The following ACP7 variants were observed in gnomAD, a reference collection of about 807,000 sequenced individuals.
The protein encoded by ACP7 is acid phosphatase 7, tartrate resistant (putative), also known as acid phosphatase type 7.
A neutral mutation model predicts 60.6 loss-of-function variants in ACP7; 58 were observed. That is an observed-to-expected ratio of 0.96 (90% CI 0.77 to 1.19). The LOEUF (loss-of-function observed/expected upper bound fraction) is 1.19. Ranked by LOEUF, ACP7 falls within the 50% of genes most tolerant of loss-of-function variation. The pLI is 0.00. For missense variants in ACP7, 574 were observed against 596.2 expected, an observed-to-expected ratio of 0.96 and a Z score of 0.39; for synonymous variants, 237 against 232.6, an observed-to-expected ratio of 1.02 and a Z score of -0.17.
At chr19:39,107,227 C>G in intron 12 of ACP7, 143 bp downstream of exon 12, 1 of 914,718 alleles carries the variant, frequency 1.1e-6, no homozygotes, top group Non-Finnish European at 1.5e-6. Context: ...GTATGAGGAT[C>G]GCTTGAGTCC....
intron 2 of ACP7, among the ~76,000 whole-genome samples, chr19:39,095,454 G>T (rs922143876): frequency 6.6e-6 from 1 of 152,226 alleles, no homozygotes. Context: ...TCACATGCAG[G>T]TCTCACTGAT....
intron 2 of ACP7, among the ~76,000 whole-genome samples, chr19:39,094,154 G>A (rs1431311780): frequency 6.6e-6 from 1 of 152,034 alleles, no homozygotes; most frequent in Admixed American, 6.6e-5. Flanking sequence ...TTCAAAATCT[G>A]GATTTTCGTA....
At chr19:39,087,946 T>C (rs566503087) in intron 2 of ACP7, among the ~76,000 whole-genome samples, 1 of 151,888 alleles carries the variant, frequency 6.6e-6, no homozygotes, top group East Asian at 2.0e-4. Context: ...AGTCCTACTC[T>C]TTTCTATCTG....
intron 3 of ACP7, 98 bp from the exon 4 acceptor site, chr19:39,098,862 C>T: frequency 1.3e-6 from 2 of 1,492,232 alleles, no homozygotes; most frequent in Non-Finnish European, 1.8e-6. Flanking sequence ...CCCACCAGTC[C>T]CCCCATCTCC....
rs2073301932 is a variant in ACP7 at position 39,098,763 on chromosome 19, C to T, written c.322+105C>T. 2.2e-6 allele frequency: 3 copies of T among 1,371,690 alleles called. No individual in the cohort carries two copies. In the African/African-American group the frequency reaches 4.4e-5, roughly 20 times the overall value. The allele number at this position is 1,371,690 out of a possible 1,614,324, so 85.0% of individuals were successfully genotyped here. On this transcript the variant is annotated intron_variant, in intron 3 of 12. Transcript: ENST00000331256. ...GTGGCTCAGGCTGGGCTGGTAACTC[C>T]ACTGCCTATCTGCAAGCCTGTTGTA...
At chr19:39,086,185 A>G (rs768871400) in intron 2 of ACP7, among the ~76,000 whole-genome samples, 2 of 152,056 alleles carry the variant, frequency 1.3e-5, no homozygotes, top group Non-Finnish European at 2.9e-5. Flanking sequence ...AATCTTAGAC[A>G]GGTGTGGTGG....
chr19:39,101,243 C>T (rs1218815176), intron 9 of ACP7, 36 bp downstream of exon 9: 1 of 1,614,210 alleles, frequency 6.2e-7, no homozygotes, highest in Admixed American at 1.7e-5. Context: ...CCACACCCCA[C>T]CTCTCCCCAA....
chr19:39,102,309 A>T (rs2073356383), intron 11 of ACP7, among the ~76,000 whole-genome samples: 1 of 151,948 alleles, frequency 6.6e-6, no homozygotes, highest in African/African-American at 2.4e-5. Context: ...ACAAAGCAAG[A>T]TCCCATATCT....
chr19:39,085,869 C>T (rs1339605327), intron 2 of ACP7, among the ~76,000 whole-genome samples: 1 of 152,230 alleles, frequency 6.6e-6, no homozygotes, highest in Admixed American at 6.5e-5. Context: ...GGACCATTGG[C>T]ACCCAGACCA....
chr19:39,102,118 T>TCACACACACACACACACACA (rs755325181), intron 11 of ACP7, among the ~76,000 whole-genome samples: 3 of 132,910 alleles, frequency 2.3e-5, no homozygotes, highest in South Asian at 2.4e-4. Flanking sequence ...AGACCCTTTC[T>TCACACACACACACACACACA]CTCACACACA....
intron 12 of ACP7, among the ~76,000 whole-genome samples, chr19:39,107,911 T>G (rs866928472): frequency 1.1e-4 from 16 of 151,174 alleles, no homozygotes; most frequent in Middle Eastern, 6.8e-3. Context: ...ATTAGTCAAG[T>G]GTGGTGGCAG....
intron 3 of ACP7, 73 bp downstream of exon 3, chr19:39,098,731 C>G: frequency 6.8e-7 from 1 of 1,476,028 alleles, no homozygotes; most frequent in East Asian, 2.3e-5. Flanking sequence ...GAAGCTACCA[C>G]TGGCCGGTGG....
In ACP7 at chr19:39,107,127, G is replaced by T. The variant is rs895522993; in HGVS notation, c.1251+43G>T. On this transcript the variant is annotated intron_variant, in intron 12 of 12. Transcript: ENST00000331256. ...CGAAGTCACCTGACTGTACAGCCAGGCCCCTCCAAGCAAATGAGCTGTTAA... is the reference window on the plus strand; with the variant it reads ...CGAAGTCACCTGACTGTACAGCCAGTCCCCTCCAAGCAAATGAGCTGTTAA... 5.0e-6 allele frequency: 8 copies of T among 1,589,018 alleles called. No homozygotes were observed. The African/African-American group carries it at 5.4e-5, about 11-fold the overall frequency.
intron 2 of ACP7, among the ~76,000 whole-genome samples, chr19:39,095,828 C>A (rs1468497672): frequency 1.3e-5 from 2 of 152,218 alleles, no homozygotes; most frequent in Non-Finnish European, 2.9e-5. Context: ...CAATTCTTGA[C>A]TTCTGCGCAC....
intron 2 of ACP7, among the ~76,000 whole-genome samples, chr19:39,094,962 G>A (rs2073249558): frequency 6.6e-6 from 1 of 152,116 alleles, no homozygotes; most frequent in African/African-American, 2.4e-5. Flanking sequence ...CAGATCTCAT[G>A]AGACTTATTC....
Position 39,098,601 on chromosome 19 carries a change from C to G in ACP7, c.265C>G (p.Arg89Gly), listed in dbSNP as rs200508745. ...CTTTGTGGACGGGGGCATTCTCCGG[C>G]GGAAGCTCTACATACACCGAGTCAC... The part of the protein sequence containing the change: ...VPFVDGGILR[R>G]KLYIHRVTLR... The change falls in exon 3 of 13, where the codon CGG becomes GGG. Residue 89 changes from arginine (R) to glycine (G), a missense_variant. Transcript: ENST00000331256. 1.2e-5 allele frequency: 19 copies of G among 1,613,554 alleles called. No homozygotes were observed. The South Asian group carries it at 2.0e-4, about 17-fold the overall frequency.
At chr19:39,091,027 T>C (rs2073197789) in intron 2 of ACP7, among the ~76,000 whole-genome samples, 1 of 152,124 alleles carries the variant, frequency 6.6e-6, no homozygotes, top group African/African-American at 2.4e-5. Context: ...TTCTGTGTTC[T>C]TACAACAAGC....
At chr19:39,092,244 G>C (rs756798700) in intron 2 of ACP7, among the ~76,000 whole-genome samples, 64 of 151,976 alleles carry the variant, frequency 4.2e-4, no homozygotes, top group Non-Finnish European at 7.4e-4. Context: ...TGTGTTGGCA[G>C]ATGCCTGTAA....
At chr19:39,107,532 C>T (rs113555571) in intron 12 of ACP7, among the ~76,000 whole-genome samples, 3,949 of 143,130 alleles carry the variant, frequency 0.028, 185 homozygotes, top group African/African-American at 0.098. Context: ...TGCAGTGAGC[C>T]GAGATCGCAC....
Sources: gnomAD v4.1 joint callset for allele counts (sites outside exome capture counted in the v4.1 genomes callset) on GRCh38, gnomAD v4.1.1 for gene constraint, MANE v1.5 for transcripts, NCBI Gene and HGNC (gene_info 2026-07-23, HGNC 2026-07-21) for gene names.